The following BMAL2 variants were observed in gnomAD, a reference collection of about 807,000 sequenced individuals.
The protein encoded by BMAL2 is basic helix-loop-helix ARNT like 2.
chr12:27,400,916 TG>T, the BMAL2 span: 1 of 831,992 alleles, frequency 1.2e-6, no homozygotes, highest in Non-Finnish European at 1.8e-6. Flanking sequence ...AATAAGAATA[TG>T]GACATGTCAG....
At chr12:27,349,968 G>A in the BMAL2 span, among the ~76,000 whole-genome samples, 1 of 152,188 alleles carries the variant, frequency 6.6e-6, no homozygotes, top group South Asian at 2.1e-4. Flanking sequence ...TGTTTTCATT[G>A]TGGCAGGGGC....
the BMAL2 span, chr12:27,377,341 A>G: frequency 2.0e-5 from 3 of 152,212 alleles, no homozygotes; most frequent in African/African-American, 4.8e-5. Flanking sequence ...TTATTCAGAC[A>G]TTGGTTCTTT....
the BMAL2 span, among the ~76,000 whole-genome samples, chr12:27,343,781 A>G: frequency 1.3e-5 from 2 of 152,328 alleles, no homozygotes; most frequent in African/African-American, 4.8e-5. Flanking sequence ...TATAATGCCT[A>G]TGAAATGCTG....
At chr12:27,423,483 C>T in the BMAL2 span, 1 of 152,022 alleles carries the variant, frequency 6.6e-6, no homozygotes, top group Non-Finnish European at 1.5e-5. Flanking sequence ...CCCGCCACCA[C>T]ACCTGGCTAA....
At chr12:27,420,480 A>G in the BMAL2 span, 1 of 1,613,606 alleles carries the variant, frequency 6.2e-7, no homozygotes, top group Non-Finnish European at 8.5e-7. Context: ...TTAGAAGCAG[A>G]GGGGGGCCTG....
chr12:27,403,036 C>T, the BMAL2 span, among the ~76,000 whole-genome samples: 5 of 152,190 alleles, frequency 3.3e-5, no homozygotes, highest in African/African-American at 2.4e-5. Context: ...GCCCTAGCAG[C>T]TAACATTGTT....
At chr12:27,351,014 G>T in the BMAL2 span, among the ~76,000 whole-genome samples, 2 of 109,106 alleles carry the variant, frequency 1.8e-5, no homozygotes, top group South Asian at 3.1e-4. Flanking sequence ...TTTGAGACAG[G>T]GTCTTGCTCT....
chr12:27,364,619 G>T, the BMAL2 span, among the ~76,000 whole-genome samples: 23 of 151,986 alleles, frequency 1.5e-4, no homozygotes, highest in South Asian at 4.8e-3. Context: ...CTTTTGCTTG[G>T]TTATTCATGA....
At chr12:27,370,143 C>A in the BMAL2 span, 1 of 1,613,880 alleles carries the variant, frequency 6.2e-7, no homozygotes, top group South Asian at 1.1e-5. Flanking sequence ...GGAATCATGA[C>A]AGAAAAAGTG....
the BMAL2 span, among the ~76,000 whole-genome samples, chr12:27,369,386 T>C: frequency 1.3e-5 from 2 of 152,180 alleles, no homozygotes; most frequent in African/African-American, 4.8e-5. Context: ...ACTTTATAAT[T>C]TAGCTTCAGT....
the BMAL2 span, among the ~76,000 whole-genome samples, chr12:27,346,751 G>T: frequency 4.6e-5 from 7 of 152,338 alleles, no homozygotes; most frequent in Middle Eastern, 3.4e-3. Flanking sequence ...AACCATAGGT[G>T]TGTAGTTGAG....
At chr12:27,420,710 C>A in the BMAL2 span, 3 of 651,130 alleles carry the variant, frequency 4.6e-6, no homozygotes, top group African/African-American at 1.9e-5. Flanking sequence ...CGTTTTCCTC[C>A]CAAGAGAACC....
the BMAL2 span, among the ~76,000 whole-genome samples, chr12:27,333,360 A>C: frequency 6.6e-6 from 1 of 152,060 alleles, no homozygotes; most frequent in African/African-American, 2.4e-5. Context: ...GCCGGCGCTC[A>C]GGACGCGGTG....
chr12:27,352,172 C>A, the BMAL2 span, among the ~76,000 whole-genome samples: 1 of 152,130 alleles, frequency 6.6e-6, no homozygotes, highest in African/African-American at 2.4e-5. Context: ...AATCAAATTG[C>A]TAAATCAAAG....
the BMAL2 span, among the ~76,000 whole-genome samples, chr12:27,393,278 G>A: frequency 3.3e-5 from 5 of 152,220 alleles, no homozygotes; most frequent in African/African-American, 1.2e-4. Flanking sequence ...AGAATTTAGG[G>A]GCACTGAATA....
the BMAL2 span, among the ~76,000 whole-genome samples, chr12:27,387,726 A>C: frequency 4.6e-3 from 704 of 152,312 alleles, 7 homozygotes; most frequent in African/African-American, 0.016. Flanking sequence ...CCTTTGATCT[A>C]ATCTCTGGCA....
chr12:27,342,653 T>A, the BMAL2 span, among the ~76,000 whole-genome samples: 1 of 152,246 alleles, frequency 6.6e-6, no homozygotes, highest in Non-Finnish European at 1.5e-5. Flanking sequence ...ACGTACCAGC[T>A]CCCTGGTTGG....
At chr12:27,412,974 G>A in the BMAL2 span, among the ~76,000 whole-genome samples, 2 of 151,518 alleles carry the variant, frequency 1.3e-5, no homozygotes, top group African/African-American at 4.9e-5. Context: ...GGAGAGAATA[G>A]GATGATATAT....
the BMAL2 span, among the ~76,000 whole-genome samples, chr12:27,377,267 A>G: frequency 1.3e-5 from 2 of 152,222 alleles, no homozygotes; most frequent in Non-Finnish European, 2.9e-5. Flanking sequence ...CTGGATAAAT[A>G]TGCCTTTCCT....
Sources: allele counts gnomAD v4.1 joint callset (sites outside exome capture counted in the v4.1 genomes callset), GRCh38; gene constraint gnomAD v4.1.1; transcripts MANE v1.5; gene names NCBI Gene and HGNC (gene_info 2026-07-23, HGNC 2026-07-21).